SLCO4A1: variants seen among roughly 807,000 people sequenced by gnomAD.
SLCO4A1 encodes colon organic anion transporter.
A neutral mutation model predicts 64.6 loss-of-function variants in SLCO4A1; 51 were observed. The ratio of observed to expected loss-of-function variants is 0.79; its 90% confidence interval spans 0.63 to 1.00. The LOEUF (loss-of-function observed/expected upper bound fraction) is 1.00. Ranked by LOEUF, SLCO4A1 falls within the 50% of genes least tolerant of loss-of-function variation. The pLI, the probability that SLCO4A1 is intolerant of heterozygous loss-of-function variation, is 0.00. For synonymous variants in SLCO4A1, 471 were observed against 444.9 expected (o/e 1.06, Z -0.74); for missense variants, 919 against 980.5 (o/e 0.94, Z 0.84).
chr20:62,645,134 G>T lies in SLCO4A1; in HGVS notation c.-97+2581G>T, dbSNP rs1036615989. On this transcript the variant is annotated intron_variant, in intron 1 of 11. Transcript: ENST00000217159. This position sits in a 1 kb window ranked among gnomAD's most constrained non-coding sequence, Gnocchi z 4.2. ...TGGCCCCCCAGTGAGCTTGCTGAGT[G>T]TCAGCTGACTTCAGGCAGGATCTGG... 6.6e-6 allele frequency among the ~76,000 whole-genome samples: 1 copy of T among 152,242 alleles called. No individual in the cohort carries two copies. Among genetic ancestry groups the T allele is most frequent in the Non-Finnish European group, 1.5e-5 (1 of 68,046 alleles).
At chr20:62,668,389 G>T (rs997033640) in intron 9 of SLCO4A1, 88 bp from the exon 10 acceptor site, 48 of 1,405,170 alleles carry the variant, frequency 3.4e-5, no homozygotes, top group Non-Finnish European at 4.7e-5. Flanking sequence ...TGTGGCTGGG[G>T]ACTGGTCCAG....
rs1407522717 is a variant in SLCO4A1 at position 62,657,011 on chromosome 20, T to C, written c.557T>C (p.Val186Ala). Residue 186 changes from valine to alanine, a missense_variant, in exon 2 of 12, where the codon GTG becomes GCG. Transcript: ENST00000217159. Reference sequence around the variant, plus strand: ...CTGCTTATGGGCACGGGGTCGCTGGTGTTCGCGCTGCCCCACTTCACGGCT... The same window carrying C: ...CTGCTTATGGGCACGGGGTCGCTGGCGTTCGCGCTGCCCCACTTCACGGCT... ...GVLLMGTGSLVFALPHFTAGR... is the reference protein window; with the variant it reads ...GVLLMGTGSLAFALPHFTAGR... 1.9e-6 allele frequency: 3 copies of C among 1,580,698 alleles called. No homozygotes were observed. The highest frequency in any genetic ancestry group is 1.3e-5 in the African/African-American group (1 of 74,604).
chr20:62,672,847 C>T (rs1227932544), downstream of SLCO4A1, among the ~76,000 whole-genome samples: 1 of 152,126 alleles, frequency 6.6e-6, no homozygotes. Flanking sequence ...TTCCCACTCG[C>T]TGAGCCCTGC....
At chr20:62,660,975 G>A (rs1182664287) in intron 4 of SLCO4A1, 89 bp from the exon 5 acceptor site, 11 of 885,196 alleles carry the variant, frequency 1.2e-5, no homozygotes, top group Non-Finnish European at 1.6e-5. Flanking sequence ...CCGGGGAGGG[G>A]CAGAGGAGTG....
At position 62,656,541 on chromosome 20, in the gene SLCO4A1, C is replaced by T. The variant is rs566028353; in HGVS notation, c.87C>T (p.Pro29=). 4.4e-6 allele frequency: 7 copies of T among 1,580,106 alleles called. No homozygotes were observed. The African/African-American group carries it at 9.4e-5, about 21-fold the overall frequency. The part of the protein sequence containing the change: ...AMENGLDHTP[P]SRRASPGTPL... ...AAAACGGGCTTGACCACACCCCACC[C>T]AGCAGGAGGGCATCCCCGGGCACAC... The change falls in exon 2 of 12, where the codon CCC becomes CCT. Residue 29 remains proline, a synonymous_variant. Transcript: ENST00000217159.
intron 6 of SLCO4A1, 89 bp from the exon 7 acceptor site, chr20:62,666,291 C>A: frequency 8.5e-7 from 1 of 1,171,252 alleles, no homozygotes; most frequent in Non-Finnish European, 1.2e-6. Flanking sequence ...TCAGTTTCCC[C>A]ACCTGTAAAG....
downstream of SLCO4A1, among the ~76,000 whole-genome samples, chr20:62,688,300 G>C (rs997895689): frequency 4.6e-5 from 7 of 152,000 alleles, no homozygotes; most frequent in African/African-American, 1.7e-4. Flanking sequence ...CCCCCCACGA[G>C]GCCTCTTTGG....
chr20:62,663,202 G>A (rs928132303), intron 5 of SLCO4A1: 1 of 152,236 alleles, frequency 6.6e-6, no homozygotes, highest in African/African-American at 2.4e-5. Context: ...CAAGGCACCT[G>A]TGGGCCTGTT....
intron 1 of SLCO4A1, among the ~76,000 whole-genome samples, chr20:62,647,957 A>G (rs1379261143): frequency 6.6e-6 from 1 of 152,248 alleles, no homozygotes; most frequent in Non-Finnish European, 1.5e-5. Flanking sequence ...TGACCAGGCC[A>G]GCATGAGGAA....
At chr20:62,674,319 A>G (rs1987485325), downstream of SLCO4A1, among the ~76,000 whole-genome samples, 2 of 152,176 alleles carry the variant, frequency 1.3e-5, no homozygotes. Flanking sequence ...GGGGAGACTC[A>G]TGGGAGCTGT....
rs946267626 is a variant in SLCO4A1, at chr20:62,661,182, A to T, written c.1121+7A>T. On this transcript the variant is annotated splice_region_variant and intron_variant, in intron 5 of 11. Coordinates refer to ENST00000217159, the MANE Select transcript of SLCO4A1 (RefSeq NM_016354.4). The surrounding 1 kb of genome is among the most constrained non-coding windows in gnomAD (Gnocchi z 5.2). Reference sequence around the variant, plus strand: ...CCATCAGAGACCTGCCTCTGTAAGGACCGGAGTCGGGAGGGTTCCTAGTGT... The same window carrying T: ...CCATCAGAGACCTGCCTCTGTAAGGTCCGGAGTCGGGAGGGTTCCTAGTGT... 1.2e-6 allele frequency: 2 copies of T among 1,604,406 alleles called. No individual in the cohort carries two copies. Among genetic ancestry groups the T allele is most frequent in the African/African-American group, 2.7e-5 (2 of 74,834 alleles).
At chr20:62,687,191 A>G (rs1157112429), downstream of SLCO4A1, among the ~76,000 whole-genome samples, 1 of 150,130 alleles carries the variant, frequency 6.7e-6, no homozygotes, top group Non-Finnish European at 1.5e-5. Context: ...AACAGGAGCG[A>G]TGGAAAGGGC....
At chr20:62,658,335 C>T (rs568620452) in intron 2 of SLCO4A1, among the ~76,000 whole-genome samples, 166 of 152,284 alleles carry the variant, frequency 1.1e-3, no homozygotes, top group African/African-American at 3.8e-3. Flanking sequence ...GGGCTCAGGC[C>T]TCTCTGGTCC....
intron 5 of SLCO4A1, among the ~76,000 whole-genome samples, chr20:62,663,824 C>T (rs1488317071): frequency 4.6e-5 from 7 of 152,180 alleles, no homozygotes; most frequent in Non-Finnish European, 7.4e-5. Flanking sequence ...TTTGCAGAGG[C>T]GGTTTCCCTT....
intron 1 of SLCO4A1, chr20:62,643,306 A>C (rs1017055234): frequency 6.4e-6 from 2 of 310,136 alleles, no homozygotes; most frequent in African/African-American, 4.6e-5. Flanking sequence ...GAAAGGAAGG[A>C]GCAGGCAGGC....
downstream of SLCO4A1, among the ~76,000 whole-genome samples, chr20:62,675,677 A>C (rs913233509): frequency 6.6e-6 from 1 of 152,172 alleles, no homozygotes; most frequent in Non-Finnish European, 1.5e-5. Context: ...CAGAGGCCAG[A>C]AGGCATCTGC....
chr20:62,683,765 C>T lies in SLCO4A1; in HGVS notation n.212-1676C>T, dbSNP rs147595032. Among the ~76,000 whole-genome samples the T allele has an allele frequency of 2.2e-3, 339 of 152,330 alleles. 3 individuals are homozygous for T. The highest frequency in any genetic ancestry group is 7.7e-3 in the African/African-American group (322 of 41,566). On this transcript the variant is annotated intron_variant and non_coding_transcript_variant, in intron 2 of 2. Coordinates refer to the SLCO4A1 transcript ENST00000466818. ...TCTGGGTTTGTGTGAGTGCACTCTG[C>T]GGTGTTCGCAACCAAACACCGACTT...
chr20:62,667,997 T>G lies in SLCO4A1; in HGVS notation c.1639-15T>G. 1.2e-6 allele frequency: 2 copies of G among 1,614,068 alleles called. No homozygotes were observed. The highest frequency in any genetic ancestry group is 1.7e-6 in the Non-Finnish European group (2 of 1,180,026). On this transcript the variant is annotated splice_polypyrimidine_tract_variant and intron_variant, in intron 8 of 11. Transcript: ENST00000217159. ...GCCTTCCCCTTGTAATCGGAGCTAT[T>G]GTTGGGCTTCCCAGGTGTACCGAGA...
intron 6 of SLCO4A1, chr20:62,665,992 A>C: frequency 2.9e-5 from 5 of 174,798 alleles, no homozygotes; most frequent in East Asian, 1.6e-4. Flanking sequence ...CCCCTGGGGG[A>C]GGAGGGGGTG....
Sources: allele counts gnomAD v4.1 joint callset (sites outside exome capture counted in the v4.1 genomes callset), GRCh38; gene constraint gnomAD v4.1.1; non-coding constraint Gnocchi (gnomAD v3.1); transcripts MANE v1.5; gene names NCBI Gene and HGNC (gene_info 2026-07-23, HGNC 2026-07-21).